CREB5: variants seen among roughly 807,000 people sequenced by gnomAD.
CREB5 encodes cyclic AMP-responsive element-binding protein 5.
In CREB5, 19 loss-of-function variants were observed where a neutral mutation model predicts 57.1. The ratio of observed to expected loss-of-function variants is 0.33; its 90% CI spans 0.23 to 0.49. CREB5 has a LOEUF of 0.49. Among genes scored for constraint, CREB5 ranks in the 20% least tolerant of loss-of-function variants. CREB5 has a pLI of 0.99. For synonymous variants in CREB5, 238 were observed against 238.3 expected (o/e 1.00, Z 0.01); for missense variants, 579 against 671.6 (o/e 0.86, Z 1.52).
chr7:28,606,299 G>T (rs1243134957), intron 5 of CREB5, among the ~76,000 whole-genome samples: 1 of 152,076 alleles, frequency 6.6e-6, no homozygotes, highest in East Asian at 1.9e-4. Context: ...CTTGTGGGTA[G>T]AATTATTAAT....
chr7:28,508,448 A>G (rs563181134), intron 4 of CREB5, among the ~76,000 whole-genome samples: 3 of 152,362 alleles, frequency 2.0e-5, no homozygotes, highest in Non-Finnish European at 4.4e-5. Context: ...TTAAGAAACA[A>G]ATTAGATACA....
At chr7:28,558,079 C>T (rs536094008) in intron 4 of CREB5, among the ~76,000 whole-genome samples, 1 of 152,274 alleles carries the variant, frequency 6.6e-6, no homozygotes, top group South Asian at 2.1e-4. Flanking sequence ...ATCCCCTGTG[C>T]TACATAACAA....
chr7:28,385,266 C>CA (rs972540924), intron 1 of CREB5, among the ~76,000 whole-genome samples: 24 of 151,730 alleles, frequency 1.6e-4, no homozygotes, highest in Admixed American at 7.9e-4. Flanking sequence ...CATATTTTTA[C>CA]AAAAAAAAGA....
At chr7:28,541,261 C>A (rs1477611246) in intron 4 of CREB5, among the ~76,000 whole-genome samples, 3 of 152,136 alleles carry the variant, frequency 2.0e-5, no homozygotes, top group African/African-American at 7.2e-5. Flanking sequence ...TCTTTACGTT[C>A]TTGCTCTACT....
chr7:28,793,557 TCAAA>T (rs1426486533), intron 7 of CREB5, among the ~76,000 whole-genome samples: 5 of 152,210 alleles, frequency 3.3e-5, no homozygotes, highest in Non-Finnish European at 5.9e-5. Context: ...GGCTTTTTAG[TCAAA>T]CTTCCAGATT....
At chr7:28,491,387 T>C in intron 2 of CREB5, 2 of 341,994 alleles carry the variant, frequency 5.8e-6, no homozygotes, top group Non-Finnish European at 8.3e-6. Flanking sequence ...AGGAAGTGAC[T>C]TGAAAATGCT....
chr7:28,396,440 A>G (rs1057229709), intron 1 of CREB5, among the ~76,000 whole-genome samples: 2 of 152,226 alleles, frequency 1.3e-5, no homozygotes, highest in Admixed American at 6.5e-5. Flanking sequence ...CTGGTATGGC[A>G]TACGTATCTA....
intron 1 of CREB5, among the ~76,000 whole-genome samples, chr7:28,335,817 A>G (rs1785812160): frequency 6.6e-6 from 1 of 152,068 alleles, no homozygotes; most frequent in Non-Finnish European, 1.5e-5. Flanking sequence ...TTCCTCATTC[A>G]GTATGATACT....
rs111395491 is a variant in CREB5, at chr7:28,762,982, T to C, written c.702+38650T>C. Among the ~76,000 whole-genome samples, 1,418 of 152,276 alleles carry C rather than the reference T, an allele frequency of 9.3e-3. 23 individuals carry two copies. The highest frequency in any genetic ancestry group is 0.06 in the South Asian group (288 of 4,828). On this transcript the variant is annotated intron_variant, in intron 7 of 10. Transcript: ENST00000357727. ...TAAGATGTGGGCCTTGTTTCTTACCTCCACAGCATTTACCCAGACAAGACA... is the reference window on the plus strand; with the variant it reads ...TAAGATGTGGGCCTTGTTTCTTACCCCCACAGCATTTACCCAGACAAGACA...
intron 5 of CREB5, among the ~76,000 whole-genome samples, chr7:28,702,248 G>A (rs970202756): frequency 6.6e-6 from 1 of 152,194 alleles, no homozygotes; most frequent in Admixed American, 6.5e-5. Flanking sequence ...TATAGGTTTT[G>A]ATCCTTCTGG....
In CREB5 at chr7:28,825,151, A is replaced by G. The variant is rs1369242254; in HGVS notation, c.*5872A>G. ...TTAGATTCTAGTTTTCTCCTTTAGA[A>G]TACCAATGCCACAGACACTACAGGA... On this transcript the variant is annotated 3_prime_UTR_variant, in exon 11 of 11. Transcript: ENST00000357727. The G allele has an allele frequency of 6.6e-6, 1 of 152,668 alleles. No individual in the cohort carries two copies. Among genetic ancestry groups the G allele is most frequent in the Non-Finnish European group, 1.5e-5 (1 of 68,042 alleles). 9.5% of individuals were successfully genotyped at this position (152,668 alleles called of 1,614,324 possible).
intron 7 of CREB5, among the ~76,000 whole-genome samples, chr7:28,737,700 A>C (rs535773697): frequency 6.7e-4 from 101 of 151,652 alleles, no homozygotes; most frequent in Admixed American, 1.1e-3. Flanking sequence ...AACTGAGACT[A>C]AGAGAGATTA....
chr7:28,376,968 T>G (rs1047301181), intron 1 of CREB5, among the ~76,000 whole-genome samples: 7 of 152,266 alleles, frequency 4.6e-5, no homozygotes, highest in African/African-American at 1.7e-4. Context: ...CATACAATTA[T>G]AGGCTTAGAG....
intron 1 of CREB5, among the ~76,000 whole-genome samples, chr7:28,433,265 A>G (rs1017319659): frequency 3.3e-5 from 5 of 152,222 alleles, no homozygotes; most frequent in Non-Finnish European, 4.4e-5. Context: ...TATCCAGGCT[A>G]TGCAATAGTG....
chr7:28,412,778 A>G lies in CREB5; in HGVS notation c.-137A>G. ...CTAGTTTCACTATCTTCTGGTCTGA[A>G]ATACTGAGGCAAATACTCAAGACTT... On this transcript the variant is annotated 5_prime_UTR_variant, in exon 1 of 11. Transcript: ENST00000357727. The G allele has an allele frequency of 1.5e-6, 1 of 683,414 alleles. No homozygotes were observed. The highest frequency in any genetic ancestry group is 2.9e-5 in the East Asian group (1 of 33,914). The allele number at this position is 683,414 out of a possible 1,614,324, so 42.3% of individuals were successfully genotyped here. A position where few individuals can be genotyped will look rare whatever the true frequency, so the allele number is the denominator to read the frequency against.
At chr7:28,305,833 A>G (rs1201394380) in intron 1 of CREB5, among the ~76,000 whole-genome samples, 7 of 151,982 alleles carry the variant, frequency 4.6e-5, no homozygotes, top group African/African-American at 1.7e-4. Context: ...AATTCAAACA[A>G]TACAGAAGTA....
At chr7:28,618,055 C>T (rs955549773) in intron 5 of CREB5, among the ~76,000 whole-genome samples, 1 of 152,224 alleles carries the variant, frequency 6.6e-6, no homozygotes, top group African/African-American at 2.4e-5. Flanking sequence ...AGGAAGACAT[C>T]GCTTCTAGGT....
intron 7 of CREB5, among the ~76,000 whole-genome samples, chr7:28,800,684 T>C (rs1369842723): frequency 6.6e-6 from 1 of 152,236 alleles, no homozygotes; most frequent in Non-Finnish European, 1.5e-5. Context: ...TTCTTTACCA[T>C]CCACTCTCCC....
chr7:28,315,733 C>T (rs1785366722), intron 1 of CREB5, among the ~76,000 whole-genome samples: 1 of 152,170 alleles, frequency 6.6e-6, no homozygotes. Flanking sequence ...GCCTCGGTGG[C>T]AAAGTCACAC....
Sources: gnomAD v4.1 joint callset for allele counts (sites outside exome capture counted in the v4.1 genomes callset) on GRCh38, gnomAD v4.1.1 for gene constraint, MANE v1.5 for transcripts, NCBI Gene and HGNC (gene_info 2026-07-23, HGNC 2026-07-21) for gene names.